Variants in METTL15 observed in about 807,000 individuals in gnomAD.
METTL15 encodes the protein methyltransferase 15, mitochondrial 12S rRNA N4-cytidine.
In METTL15, 34 loss-of-function variants were observed where a neutral mutation model predicts 38.3. The ratio of observed to expected loss-of-function variants is 0.89; its 90% CI spans 0.68 to 1.18. The LOEUF (loss-of-function observed/expected upper bound fraction) is 1.18, where lower values mean the gene tolerates loss of function less well. Among genes scored for constraint, METTL15 ranks in the 50% most tolerant of loss-of-function variants. The pLI, the probability that METTL15 is intolerant of heterozygous loss-of-function variation, is 0.00. For synonymous variants in METTL15, 162 were observed against 170.9 expected (o/e 0.95, Z 0.41); for missense variants, 438 against 498.4 (o/e 0.88, Z 1.15).
chr11:28,287,935 T>C (rs1305801106), intron 4 of METTL15, among the ~76,000 whole-genome samples: 1 of 138,110 alleles, frequency 7.2e-6, no homozygotes, highest in East Asian at 2.0e-4. Context: ...AGTCTCTTCC[T>C]GAGTGCAACC....
intron 6 of METTL15, among the ~76,000 whole-genome samples, chr11:28,433,843 C>A (rs920500598): frequency 1.3e-5 from 2 of 152,238 alleles, no homozygotes; most frequent in East Asian, 3.9e-4. Flanking sequence ...TCTTATAGAT[C>A]AATCCTTTCT....
At chr11:28,377,767 G>GT (rs996332410) in intron 5 of METTL15, among the ~76,000 whole-genome samples, 1 of 151,756 alleles carries the variant, frequency 6.6e-6, no homozygotes, top group Admixed American at 6.6e-5. Flanking sequence ...TTTCTGTTCT[G>GT]TTTTTTCCCC....
chr11:28,273,049 G>A (rs1855707701), intron 4 of METTL15, among the ~76,000 whole-genome samples: 1 of 152,138 alleles, frequency 6.6e-6, no homozygotes, highest in Non-Finnish European at 1.5e-5. Flanking sequence ...ATAGGATTGT[G>A]ATACAGGTCA....
At chr11:28,143,720 T>C (rs1849780439) in intron 3 of METTL15, among the ~76,000 whole-genome samples, 1 of 152,164 alleles carries the variant, frequency 6.6e-6, no homozygotes, top group African/African-American at 2.4e-5. Context: ...ATGATTTTTG[T>C]CATGTAACTG....
chr11:28,427,407 G>A (rs1850875389), intron 6 of METTL15, among the ~76,000 whole-genome samples: 1 of 151,978 alleles, frequency 6.6e-6, no homozygotes, highest in South Asian at 2.1e-4. Flanking sequence ...GGATTGTCTT[G>A]GCTCTCTGGG....
At chr11:28,215,146 G>C (rs557197999) in intron 4 of METTL15, among the ~76,000 whole-genome samples, 3 of 152,262 alleles carry the variant, frequency 2.0e-5, no homozygotes, top group Admixed American at 6.5e-5. Flanking sequence ...GACTGAGTTG[G>C]GGGAACTCAA....
chr11:28,318,963 A>G (rs1008505323), intron 6 of METTL15, among the ~76,000 whole-genome samples: 1 of 151,240 alleles, frequency 6.6e-6, no homozygotes, highest in Non-Finnish European at 1.5e-5. Context: ...TGAGCTAACA[A>G]TAAGTTATTT....
At chr11:28,525,043 C>T (rs1367981137) in intron 6 of METTL15, among the ~76,000 whole-genome samples, 1 of 151,192 alleles carries the variant, frequency 6.6e-6, no homozygotes, top group Admixed American at 6.6e-5. Flanking sequence ...TGGAGTTGCT[C>T]GTTCCTCCTG....
chr11:28,471,285 A>C (rs1851301044), intron 6 of METTL15, among the ~76,000 whole-genome samples: 1 of 152,172 alleles, frequency 6.6e-6, no homozygotes, highest in East Asian at 1.9e-4. Flanking sequence ...ACTGTGTTTT[A>C]CTGGTTTCAA....
intron 6 of METTL15, among the ~76,000 whole-genome samples, chr11:28,319,263 C>T (rs1849376887): frequency 6.6e-6 from 1 of 152,146 alleles, no homozygotes; most frequent in African/African-American, 2.4e-5. Context: ...ATTAGAGCTT[C>T]TGGAAATCAC....
intron 5 of METTL15, among the ~76,000 whole-genome samples, chr11:28,365,602 A>T (rs1042294980): frequency 3.3e-5 from 5 of 151,920 alleles, no homozygotes; most frequent in African/African-American, 1.2e-4. Context: ...TGTTAATTAC[A>T]TTCCTCATTT....
intron 6 of METTL15, among the ~76,000 whole-genome samples, chr11:28,459,615 A>G (rs1338310883): frequency 6.6e-6 from 1 of 152,152 alleles, no homozygotes; most frequent in East Asian, 1.9e-4. Flanking sequence ...TATAGGTTGA[A>G]AGATCCCTTA....
chr11:28,262,751 A>G (rs1855259018), intron 4 of METTL15, among the ~76,000 whole-genome samples: 1 of 152,140 alleles, frequency 6.6e-6, no homozygotes, highest in South Asian at 2.1e-4. Flanking sequence ...TCTGTATAGT[A>G]GCCCACACCT....
At chr11:28,458,668 T>G (rs558502170) in intron 6 of METTL15, among the ~76,000 whole-genome samples, 4 of 152,370 alleles carry the variant, frequency 2.6e-5, no homozygotes. Context: ...CTCTTCCACT[T>G]GGGTCCACAA....
At chr11:28,264,093 G>T (rs888630297) in intron 4 of METTL15, among the ~76,000 whole-genome samples, 1 of 152,082 alleles carries the variant, frequency 6.6e-6, no homozygotes, top group African/African-American at 2.4e-5. Context: ...CACACAGCTT[G>T]TTGATTCTCT....
At chr11:28,328,220 A>T in intron 6 of METTL15, 2 of 1,537,636 alleles carry the variant, frequency 1.3e-6, no homozygotes, top group Non-Finnish European at 1.8e-6. Flanking sequence ...TTCCTGAGAG[A>T]CCTGGTTGTT....
chr11:28,248,725 TA>T (rs1167114001), intron 4 of METTL15, among the ~76,000 whole-genome samples: 1 of 152,028 alleles, frequency 6.6e-6, no homozygotes, highest in Admixed American at 6.6e-5. Flanking sequence ...AAATGAAAGT[TA>T]TTTTTAATGG....
intron 3 of METTL15, among the ~76,000 whole-genome samples, chr11:28,141,974 G>A (rs919230570): frequency 1.2e-4 from 19 of 152,178 alleles, no homozygotes; most frequent in Non-Finnish European, 2.1e-4. Context: ...CTACACGGAG[G>A]AATGAACGTA....
intron 6 of METTL15, among the ~76,000 whole-genome samples, chr11:28,444,941 A>G (rs568653770): frequency 1.1e-4 from 17 of 152,274 alleles, no homozygotes; most frequent in African/African-American, 4.1e-4. Context: ...GAACAGCATC[A>G]GGTGGGGCTT....
Sources: allele counts gnomAD v4.1 joint callset (sites outside exome capture counted in the v4.1 genomes callset), GRCh38; gene constraint gnomAD v4.1.1; transcripts MANE v1.5; gene names NCBI Gene and HGNC (gene_info 2026-07-23, HGNC 2026-07-21).